Variants in XRN1 observed in about 807,000 individuals in gnomAD.
The protein encoded by XRN1 is strand-exchange protein 1 homolog.
Under a neutral mutation model 222.3 loss-of-function variants are expected in XRN1, and 67 were observed. That is an observed-to-expected ratio of 0.30 (90% CI 0.25 to 0.37). The LOEUF (loss-of-function observed/expected upper bound fraction) is 0.37. Ranked by LOEUF, XRN1 falls within the 10% of genes least tolerant of loss-of-function variation. The probability of loss-of-function intolerance (pLI) is 1.00; values close to 1 mark genes in which losing one functional copy is unlikely to be tolerated. For synonymous variants in XRN1, 643 were observed against 652.4 expected (o/e 0.99, Z 0.22); for missense variants, 1,707 against 2,000.2 (o/e 0.85, Z 2.80).
intron 15 of XRN1, among the ~76,000 whole-genome samples, chr3:142,411,822 A>ATTTT (rs1291888583): frequency 1.4e-5 from 2 of 138,560 alleles, no homozygotes; most frequent in African/African-American, 2.7e-5. Flanking sequence ...CTTACTGAAA[A>ATTTT]TTTTTTTTTT....
At chr3:142,331,582 A>G (rs2065696992) in intron 36 of XRN1, among the ~76,000 whole-genome samples, 1 of 152,222 alleles carries the variant, frequency 6.6e-6, no homozygotes. Flanking sequence ...AATAAGAAAC[A>G]AGATTTCAGA....
chr3:142,432,541 C>T (rs1210299821), intron 2 of XRN1, 120 bp downstream of exon 2: 1 of 938,108 alleles, frequency 1.1e-6, no homozygotes, highest in African/African-American at 1.7e-5. Context: ...ATTTCCATTT[C>T]TGGGGGAGTT....
intron 39 of XRN1, among the ~76,000 whole-genome samples, chr3:142,316,862 C>T (rs890290585): frequency 1.3e-5 from 2 of 151,826 alleles, no homozygotes; most frequent in Non-Finnish European, 2.9e-5. Context: ...GAGTCCACGA[C>T]TTTGAGACCA....
intron 33 of XRN1, among the ~76,000 whole-genome samples, chr3:142,340,135 C>T (rs973509020): frequency 1.3e-5 from 2 of 152,040 alleles, no homozygotes; most frequent in Non-Finnish European, 2.9e-5. Context: ...GTAGGTGGAT[C>T]ACCTGAGGTC....
intron 18 of XRN1, among the ~76,000 whole-genome samples, chr3:142,402,462 C>T (rs1289859201): frequency 6.6e-6 from 1 of 152,142 alleles, no homozygotes; most frequent in Non-Finnish European, 1.5e-5. Flanking sequence ...GGATTACAGA[C>T]GTAAGCCACC....
At chr3:142,339,731 C>T (rs1321063574) in intron 33 of XRN1, among the ~76,000 whole-genome samples, 9 of 150,880 alleles carry the variant, frequency 6.0e-5, no homozygotes, top group Admixed American at 1.3e-4. Flanking sequence ...TGAGCCCAAG[C>T]GGTTGAGCCT....
chr3:142,428,197 A>T (rs992644643), intron 2 of XRN1, among the ~76,000 whole-genome samples: 25 of 152,254 alleles, frequency 1.6e-4, no homozygotes, highest in African/African-American at 4.1e-4. Context: ...GTTTGAGACC[A>T]GCCTGGCCAA....
At chr3:142,409,697 T>C (rs114895226) in intron 15 of XRN1, among the ~76,000 whole-genome samples, 5 of 152,312 alleles carry the variant, frequency 3.3e-5, no homozygotes, top group African/African-American at 1.2e-4. Flanking sequence ...TATAAAAACC[T>C]GCTAGGATTT....
Position 142,447,439 on chromosome 3 carries a change from A to C in XRN1, c.75+431T>G, listed in dbSNP as rs114888288. ...AAGTAAACAAGGTGACTGCGTGCGGAAGCGGCTGTTATCGTCTGTAAGTGG... is the reference window on the plus strand; with the variant it reads ...AAGTAAACAAGGTGACTGCGTGCGGCAGCGGCTGTTATCGTCTGTAAGTGG... On this transcript the variant is annotated intron_variant, in intron 1 of 40. Transcript: ENST00000392981. This position sits in a 1 kb window ranked among gnomAD's most constrained non-coding sequence, Gnocchi z 4.2. 0.028 allele frequency among the ~76,000 whole-genome samples: 4,232 copies of C among 152,242 alleles called. 179 individuals carry two copies. Among genetic ancestry groups the C allele is most frequent in the African/African-American group, 0.096 (4,005 of 41,540 alleles).
At chr3:142,381,610 A>C (rs60153076) in intron 22 of XRN1, among the ~76,000 whole-genome samples, 10,630 of 142,618 alleles carry the variant, frequency 0.075, 1,391 homozygotes, top group African/African-American at 0.27. Context: ...CTGTGTCATC[A>C]AGGCTGGAGT....
intron 9 of XRN1, 43 bp from the exon 10 acceptor site, chr3:142,421,196 T>C (rs759804729): frequency 3.4e-6 from 5 of 1,462,438 alleles, no homozygotes; most frequent in African/African-American, 1.4e-5. Flanking sequence ...AATTTAAGTA[T>C]ATCTAGAAGA....
intron 18 of XRN1, among the ~76,000 whole-genome samples, chr3:142,401,859 T>C (rs1294946085): frequency 1.3e-5 from 2 of 152,220 alleles, no homozygotes; most frequent in East Asian, 3.8e-4. Flanking sequence ...AGATCAACAT[T>C]GATGTTCTAA....
At chr3:142,334,782 A>T (rs1039917207) in intron 34 of XRN1, among the ~76,000 whole-genome samples, 3 of 150,006 alleles carry the variant, frequency 2.0e-5, no homozygotes, top group Non-Finnish European at 3.0e-5. Flanking sequence ...ACACACACAC[A>T]CACACACACA....
intron 20 of XRN1, among the ~76,000 whole-genome samples, chr3:142,396,205 T>G (rs1342399880): frequency 6.6e-6 from 1 of 152,208 alleles, no homozygotes; most frequent in Non-Finnish European, 1.5e-5. Flanking sequence ...GTTACATATA[T>G]AAACAAATGA....
chr3:142,404,743 C>G (rs1167031753), intron 16 of XRN1, among the ~76,000 whole-genome samples, 164 bp downstream of exon 16: 2 of 152,166 alleles, frequency 1.3e-5, no homozygotes, highest in African/African-American at 4.8e-5. Context: ...ATCCTTAGAT[C>G]CTCTGCAAGT....
At chr3:142,405,158 T>C (rs756803902) in intron 15 of XRN1, 82 bp from the exon 16 acceptor site, 11 of 1,363,964 alleles carry the variant, frequency 8.1e-6, no homozygotes, top group African/African-American at 1.5e-5. Flanking sequence ...TTTTCCTCCA[T>C]ATACAGAATA....
At chr3:142,395,758 A>T (rs527357088) in intron 20 of XRN1, among the ~76,000 whole-genome samples, 3 of 152,160 alleles carry the variant, frequency 2.0e-5, no homozygotes, top group Non-Finnish European at 4.4e-5. Context: ...TACATGATAT[A>T]ACCCTCTTCT....
intron 37 of XRN1, among the ~76,000 whole-genome samples, chr3:142,324,484 C>T (rs991035349): frequency 6.6e-6 from 1 of 152,004 alleles, no homozygotes; most frequent in African/African-American, 2.4e-5. Flanking sequence ...TTTTCTTAAT[C>T]CAGTCTATCG....
At chr3:142,402,434 C>T (rs1016760400) in intron 18 of XRN1, among the ~76,000 whole-genome samples, 1 of 152,134 alleles carries the variant, frequency 6.6e-6, no homozygotes, top group Non-Finnish European at 1.5e-5. Flanking sequence ...ATGCCCGCCT[C>T]AGCCTCCAAA....
Sources: allele counts gnomAD v4.1 joint callset (sites outside exome capture counted in the v4.1 genomes callset), GRCh38; gene constraint gnomAD v4.1.1; non-coding constraint Gnocchi (gnomAD v3.1); transcripts MANE v1.5; gene names NCBI Gene and HGNC (gene_info 2026-07-23, HGNC 2026-07-21).